The following ITGA8 variants were observed in gnomAD, a reference collection of about 807,000 sequenced individuals.
ITGA8 encodes the protein integrin subunit alpha 8, also known as integrin alpha-8.
A neutral mutation model predicts 142.3 loss-of-function variants in ITGA8; 91 were observed. That is an observed-to-expected ratio of 0.64 (90% CI 0.54 to 0.76). ITGA8 has a LOEUF of 0.76. Ranked by LOEUF, ITGA8 falls within the 30% of genes least tolerant of loss-of-function variation. The probability of loss-of-function intolerance (pLI) is 0.00; values close to 1 mark genes in which losing one functional copy is unlikely to be tolerated. For synonymous variants in ITGA8, 505 were observed against 485.2 expected (o/e 1.04, Z -0.54); for missense variants, 1,406 against 1,327.7 (o/e 1.06, Z -0.92).
intron 7 of ITGA8, among the ~76,000 whole-genome samples, chr10:15,671,879 CAAA>C (rs34588118): frequency 1.8e-4 from 14 of 79,720 alleles, no homozygotes; most frequent in Non-Finnish European, 1.2e-4. Flanking sequence ...AGGAGCAAAG[CAAA>C]AAAAAAAAAA....
chr10:15,676,548 G>A (rs1006718357), intron 6 of ITGA8, among the ~76,000 whole-genome samples: 2 of 152,104 alleles, frequency 1.3e-5, no homozygotes, highest in Admixed American at 6.6e-5. Flanking sequence ...TTCGATTAAT[G>A]CCTGTTATCA....
intron 27 of ITGA8, among the ~76,000 whole-genome samples, chr10:15,535,369 G>A (rs11259731): frequency 0.019 from 2,948 of 152,336 alleles, 89 homozygotes; most frequent in African/African-American, 0.067. Context: ...GCGCCGGTGC[G>A]GGATCCACTA....
intron 26 of ITGA8, among the ~76,000 whole-genome samples, chr10:15,554,054 ATTAAT>A (rs2131563062): frequency 6.6e-6 from 1 of 152,290 alleles, no homozygotes; most frequent in African/African-American, 2.4e-5. Flanking sequence ...CAGGAATATG[ATTAAT>A]TTAATATGGC....
At chr10:15,639,007 T>G (rs1246494972) in intron 13 of ITGA8, among the ~76,000 whole-genome samples, 1 of 151,964 alleles carries the variant, frequency 6.6e-6, no homozygotes, top group Non-Finnish European at 1.5e-5. Context: ...CCTGCTCCTG[T>G]GGTCCCAGCC....
At chr10:15,658,305 A>G (rs11253596) in intron 10 of ITGA8, among the ~76,000 whole-genome samples, 4 of 152,212 alleles carry the variant, frequency 2.6e-5, no homozygotes, top group Non-Finnish European at 5.9e-5. Context: ...CCTTCTTCCC[A>G]TATCTTACAT....
In ITGA8 at chr10:15,605,740, T is replaced by G. The variant is rs1833182805; in HGVS notation, c.1954A>C (p.Lys652Gln). 1.2e-6 allele frequency: 2 copies of G among 1,613,280 alleles called. No individual in the cohort carries two copies. Among genetic ancestry groups the G allele is most frequent in the Non-Finnish European group, 1.7e-6 (2 of 1,179,382 alleles). ...GEDNLCVPDLKLSARPDKHQV... is the reference protein window; with the variant it reads ...GEDNLCVPDLQLSARPDKHQV... The stretch of plus-strand genomic sequence containing the variant: ...TAAACTTACGGTCTAGCCGACAGCT[T>G]CAAGTCAGGAACACACAGATTGTCT... The change falls in exon 19 of 30, where the codon AAG becomes CAG. Residue 652 changes from lysine (K) to glutamine (Q), a missense_variant. Coordinates refer to ENST00000378076, the MANE Select transcript of ITGA8 (RefSeq NM_003638.3).
intron 2 of ITGA8, among the ~76,000 whole-genome samples, chr10:15,703,906 C>T (rs887183841): frequency 3.9e-5 from 6 of 152,122 alleles, no homozygotes; most frequent in African/African-American, 1.4e-4. Context: ...ACACCTGAAG[C>T]CTTCTTCACT....
intron 27 of ITGA8, among the ~76,000 whole-genome samples, chr10:15,546,677 A>G (rs949816144): frequency 1.5e-5 from 2 of 136,610 alleles, no homozygotes; most frequent in African/African-American, 7.4e-5. Context: ...GCCTTAGGAG[A>G]AAGGAAGGAA....
intron 11 of ITGA8, among the ~76,000 whole-genome samples, chr10:15,648,319 C>T (rs929146442): frequency 6.6e-6 from 1 of 151,658 alleles, no homozygotes; most frequent in African/African-American, 2.4e-5. Context: ...GACTTTTATG[C>T]CTATGTAGAT....
chr10:15,641,477 G>A (rs1588692635), intron 13 of ITGA8, among the ~76,000 whole-genome samples: 1 of 152,310 alleles, frequency 6.6e-6, no homozygotes, highest in Non-Finnish European at 1.5e-5. Flanking sequence ...ATCTTGCTAT[G>A]AAGTTAAAAA....
chr10:15,662,326 C>CTTT lies in ITGA8; in HGVS notation c.848-1407_848-1405dup, dbSNP rs200922550. ...CTCAAGGTGAAATCTTCAGAAGGTCCTTTTTTTTTTTTTTTTTTTTTTTTT... is the reference window on the plus strand; with the variant it reads ...CTCAAGGTGAAATCTTCAGAAGGTCCTTTTTTTTTTTTTTTTTTTTTTTTTTTT... On this transcript the variant is annotated intron_variant, in intron 8 of 29. Transcript: ENST00000378076. Among the ~76,000 whole-genome samples, 76 of 72,710 alleles carry CTTT rather than the reference C, an allele frequency of 1.0e-3. 9 individuals are homozygous for CTTT. Among genetic ancestry groups the CTTT allele is most frequent in the African/African-American group, 2.3e-3 (34 of 15,052 alleles). 47.7% of individuals were successfully genotyped at this position (72,710 alleles called of 152,430 possible). A position where few individuals can be genotyped will look rare whatever the true frequency, so the allele number is the denominator to read the frequency against.
chr10:15,588,941 A>C (rs894281920), intron 22 of ITGA8, among the ~76,000 whole-genome samples: 1 of 152,230 alleles, frequency 6.6e-6, no homozygotes, highest in Non-Finnish European at 1.5e-5. Context: ...TTGCTACTGC[A>C]TACTAGCGGT....
intron 28 of ITGA8, among the ~76,000 whole-genome samples, chr10:15,527,407 T>C (rs1258090796): frequency 6.6e-6 from 1 of 152,210 alleles, no homozygotes; most frequent in Non-Finnish European, 1.5e-5. Flanking sequence ...CACTTTCTGC[T>C]AGATGTAAAT....
chr10:15,667,689 A>T (rs1426969412), intron 8 of ITGA8, among the ~76,000 whole-genome samples: 1 of 151,576 alleles, frequency 6.6e-6, no homozygotes, highest in Non-Finnish European at 1.5e-5. Context: ...CACTGCTTTG[A>T]ATGTGTCCCA....
intron 8 of ITGA8, among the ~76,000 whole-genome samples, chr10:15,668,113 G>C (rs1025231975): frequency 1.3e-5 from 2 of 152,126 alleles, no homozygotes; most frequent in Admixed American, 6.5e-5. Flanking sequence ...AATGTTGACA[G>C]GGGGGTGTTA....
intron 25 of ITGA8, among the ~76,000 whole-genome samples, chr10:15,564,412 A>G (rs1009920420): frequency 3.3e-5 from 5 of 152,262 alleles, no homozygotes; most frequent in South Asian, 2.1e-4. Context: ...CTTAGCATCC[A>G]TGATAGGCAG....
At chr10:15,624,837 A>G (rs1833553191) in intron 13 of ITGA8, among the ~76,000 whole-genome samples, 1 of 152,182 alleles carries the variant, frequency 6.6e-6, no homozygotes, top group African/African-American at 2.4e-5. Flanking sequence ...AATGTGTCCA[A>G]TGGTGGGGTT....
At chr10:15,592,121 C>A in intron 22 of ITGA8, 104 bp downstream of exon 22, 1 of 675,690 alleles carries the variant, frequency 1.5e-6, no homozygotes, top group Admixed American at 3.0e-5. Flanking sequence ...GTTCTAATTT[C>A]AGGTGAGCTT....
At chr10:15,653,995 C>T (rs191463659) in intron 11 of ITGA8, among the ~76,000 whole-genome samples, 249 of 151,970 alleles carry the variant, frequency 1.6e-3, no homozygotes, top group South Asian at 3.1e-3. Context: ...CCACCATGCC[C>T]GGCTAATTTT....
Sources: gnomAD v4.1 joint callset for allele counts (sites outside exome capture counted in the v4.1 genomes callset) on GRCh38, gnomAD v4.1.1 for gene constraint, MANE v1.5 for transcripts, NCBI Gene and HGNC (gene_info 2026-07-23, HGNC 2026-07-21) for gene names.